Variants in NFIB observed in about 807,000 individuals in gnomAD.
The protein encoded by NFIB is nuclear factor 1 B-type.
Under a neutral mutation model 61.5 loss-of-function variants are expected in NFIB, and 11 were observed. That is an observed-to-expected ratio of 0.18 (90% CI 0.11 to 0.30). The LOEUF (loss-of-function observed/expected upper bound fraction) is 0.30, where lower values mean the gene tolerates loss of function less well. Ranked by LOEUF, NFIB falls within the 10% of genes least tolerant of loss-of-function variation. The pLI, the probability that NFIB is intolerant of heterozygous loss-of-function variation, is 1.00. For synonymous variants in NFIB, 260 were observed against 216.5 expected (o/e 1.20, Z -1.76); for missense variants, 471 against 608.9 (o/e 0.77, Z 2.38).
rs2061026815 is a variant in NFIB at position 14,346,644 on chromosome 9, G to T, written c.109-39124C>A. 1.3e-5 allele frequency among the ~76,000 whole-genome samples: 2 copies of T among 152,154 alleles called. 1 individual carries two copies. Among genetic ancestry groups the T allele is most frequent in the South Asian group, 4.1e-4 (2 of 4,832 alleles). On this transcript the variant is annotated intron_variant, in intron 1 of 8. Transcript: ENST00000380934. ...CTGGTTTGAAAGTTGAAGCCCCGGG[G>T]TAGTAAATTTGGCTACAAAATCTCA...
chr9:14,151,324 T>A (rs1046708086), intron 4 of NFIB, among the ~76,000 whole-genome samples: 1 of 152,134 alleles, frequency 6.6e-6, no homozygotes. Context: ...GGAAGAGGTA[T>A]AAATGAACCT....
chr9:14,451,187 G>C, the NFIB span, among the ~76,000 whole-genome samples: 3 of 152,208 alleles, frequency 2.0e-5, no homozygotes, highest in African/African-American at 7.2e-5. Flanking sequence ...AAGGTAGCCA[G>C]ATAATTGAGG....
At chr9:14,419,287 T>TAAAAA in the NFIB span, among the ~76,000 whole-genome samples, 15 of 127,074 alleles carry the variant, frequency 1.2e-4, no homozygotes, top group East Asian at 2.2e-4. Flanking sequence ...GCAGCACTGT[T>TAAAAA]AAAAAAAAAA....
At chr9:14,305,119 T>C (rs185901150) in intron 2 of NFIB, among the ~76,000 whole-genome samples, 6 of 152,334 alleles carry the variant, frequency 3.9e-5, no homozygotes, top group Non-Finnish European at 7.4e-5. Flanking sequence ...TGGTGCAACA[T>C]GGAAGGCATT....
intron 10 of NFIB, among the ~76,000 whole-genome samples, chr9:14,108,378 A>G (rs1296485217): frequency 1.3e-5 from 2 of 152,112 alleles, no homozygotes; most frequent in Admixed American, 1.3e-4. Flanking sequence ...CAAATATTAT[A>G]AGAAGATTTA....
the NFIB span, among the ~76,000 whole-genome samples, chr9:14,461,567 C>T: frequency 1.3e-5 from 2 of 152,190 alleles, no homozygotes; most frequent in African/African-American, 2.4e-5. Flanking sequence ...CATCAATCAG[C>T]TCACCCCTTC....
chr9:14,321,699 T>TA (rs2060664604), intron 1 of NFIB, among the ~76,000 whole-genome samples: 1 of 152,198 alleles, frequency 6.6e-6, no homozygotes, highest in Non-Finnish European at 1.5e-5. Flanking sequence ...ATTCCCGTCA[T>TA]AAGAGTGTGT....
chr9:14,516,988 T>C, the NFIB span, among the ~76,000 whole-genome samples: 8 of 152,162 alleles, frequency 5.3e-5, no homozygotes, highest in Non-Finnish European at 1.0e-4. Flanking sequence ...CAAGATTACA[T>C]TAGTTTTGTT....
chr9:14,497,010 C>T, the NFIB span, among the ~76,000 whole-genome samples: 1 of 152,192 alleles, frequency 6.6e-6, no homozygotes, highest in Non-Finnish European at 1.5e-5. Flanking sequence ...CAATGTTTCA[C>T]ACATTCAGAT....
chr9:14,461,194 G>A, the NFIB span, among the ~76,000 whole-genome samples: 1 of 152,104 alleles, frequency 6.6e-6, no homozygotes, highest in Non-Finnish European at 1.5e-5. Context: ...TCAGTAGATT[G>A]TGAGGTCTTG....
At chr9:14,520,555 A>G in the NFIB span, among the ~76,000 whole-genome samples, 1 of 152,208 alleles carries the variant, frequency 6.6e-6, no homozygotes, top group African/African-American at 2.4e-5. Flanking sequence ...CTCTCTTCCA[A>G]TGAGTATGAA....
chr9:14,378,074 G>C (rs988453414), intron 1 of NFIB, among the ~76,000 whole-genome samples: 3 of 152,158 alleles, frequency 2.0e-5, no homozygotes, highest in South Asian at 2.1e-4. Context: ...CTGAGGGTGG[G>C]GGCTTGTCTG....
chr9:14,495,271 C>T, the NFIB span, among the ~76,000 whole-genome samples: 28 of 152,148 alleles, frequency 1.8e-4, no homozygotes, highest in Non-Finnish European at 2.8e-4. Flanking sequence ...ATCTCCCACA[C>T]CCCTGGTTGT....
intron 2 of NFIB, among the ~76,000 whole-genome samples, chr9:14,257,670 C>T (rs1254563918): frequency 1.3e-5 from 2 of 152,044 alleles, no homozygotes; most frequent in East Asian, 1.9e-4. Context: ...GCAGGAGAAT[C>T]GCTTGAACCC....
chr9:14,236,719 T>A (rs1053436396), intron 2 of NFIB, among the ~76,000 whole-genome samples: 1 of 152,192 alleles, frequency 6.6e-6, no homozygotes, highest in African/African-American at 2.4e-5. Context: ...CTACTTCCCA[T>A]GTTTATTTGG....
intron 6 of NFIB, among the ~76,000 whole-genome samples, chr9:14,134,987 T>C (rs867558709): frequency 2.0e-5 from 3 of 149,982 alleles, no homozygotes; most frequent in Admixed American, 6.7e-5. Context: ...AAATAGCATA[T>C]ATCATATAAG....
the NFIB span, among the ~76,000 whole-genome samples, chr9:14,444,450 G>T: frequency 1.1e-3 from 170 of 152,292 alleles, no homozygotes; most frequent in African/African-American, 3.9e-3. Context: ...AATAAAAATA[G>T]AGTTTTGAAA....
intron 3 of NFIB, among the ~76,000 whole-genome samples, chr9:14,162,529 T>C (rs965612288): frequency 1.3e-5 from 2 of 152,142 alleles, no homozygotes; most frequent in Admixed American, 6.6e-5. Flanking sequence ...TGGAAAGCTT[T>C]TATGGAAATT....
At chr9:14,198,922 A>G (rs1006252387) in intron 2 of NFIB, among the ~76,000 whole-genome samples, 2 of 152,264 alleles carry the variant, frequency 1.3e-5, no homozygotes, top group African/African-American at 4.8e-5. Flanking sequence ...GCCAAAAATC[A>G]CATGTGTACA....
Sources: gnomAD v4.1 joint callset for allele counts (sites outside exome capture counted in the v4.1 genomes callset) on GRCh38, gnomAD v4.1.1 for gene constraint, MANE v1.5 for transcripts, NCBI Gene and HGNC (gene_info 2026-07-23, HGNC 2026-07-21) for gene names.